CD180: variants seen among roughly 807,000 people sequenced by gnomAD.
The protein encoded by CD180 is CD180 antigen.
A neutral mutation model predicts 10.7 loss-of-function variants in CD180; 11 were observed. The ratio of observed to expected loss-of-function variants is 1.03; its 90% CI spans 0.65 to 1.70. CD180 has a LOEUF of 1.70. Among genes scored for constraint, CD180 ranks in the 40% most tolerant of loss-of-function variants. CD180 has a pLI of 0.00. For synonymous variants in CD180, 286 were observed against 294.6 expected, an observed-to-expected ratio of 0.97 and a Z score of 0.30; for missense variants, 729 against 775.2, an observed-to-expected ratio of 0.94 and a Z score of 0.71.
rs142002256 is a variant in CD180, at chr5:67,196,593, C to G, written c.49G>C (p.Gly17Arg). Residue 17 changes from glycine to arginine, a missense_variant, in exon 1 of 3, where the codon GGC (glycine) becomes CGC (arginine). Transcript: ENST00000256447. ...TCCCAGGAGGTGATGACTTTACAGC[C>G]GGCAGAAAACAGCACCACCCAAAAG... ...CFFWVVLFSA[G>R]CKVITSWDQM... 2.4e-5 allele frequency: 39 copies of G among 1,613,808 alleles called. No individual in the cohort carries two copies. Among genetic ancestry groups the G allele is most frequent in the South Asian group, 3.3e-5 (3 of 91,074 alleles).
At position 67,181,800 on chromosome 5, in the gene CD180, G is replaced by A. The variant is rs1327170985; in HGVS notation, c.*1057C>T. 1 of 152,198 alleles carries A rather than the reference G, an allele frequency of 6.6e-6. No individual in the cohort carries two copies. The highest frequency in any genetic ancestry group is 1.9e-4 in the East Asian group (1 of 5,196). 9.4% of individuals were successfully genotyped at this position (152,198 alleles called of 1,614,324 possible). A position where few individuals can be genotyped will look rare whatever the true frequency, so the allele number is the denominator to read the frequency against. ...TGGTTCAGGCCCCTGTCCATGGCTGGTGTGACCTTTGGTGACATCCCCAGC... is the reference window on the plus strand; with the variant it reads ...TGGTTCAGGCCCCTGTCCATGGCTGATGTGACCTTTGGTGACATCCCCAGC... On this transcript the variant is annotated 3_prime_UTR_variant, in exon 3 of 3. Transcript: ENST00000256447.
intron 2 of CD180, among the ~76,000 whole-genome samples, chr5:67,185,373 T>G (rs1742171288): frequency 6.6e-6 from 1 of 151,810 alleles, no homozygotes. Flanking sequence ...CTTGTAATAC[T>G]TCTTCCTACT....
Position 67,184,203 on chromosome 5 carries a change from T to C in CD180, c.640A>G (p.Ile214Val), listed in dbSNP as rs1742132291. Reference sequence around the variant, plus strand: ...GTTGAATCAAAAGCCCCAAGCTCAATACCTTTAACATTATTGCCATTGAAG... The same window carrying C: ...GTTGAATCAAAAGCCCCAAGCTCAACACCTTTAACATTATTGCCATTGAAG... ...LNFNGNNVKG[I>V]ELGAFDSTIF... is the part of the protein sequence containing the mutation. Residue 214 changes from isoleucine to valine, a missense_variant, in exon 3 of 3, where the codon ATT (isoleucine) becomes GTT (valine). Coordinates refer to ENST00000256447, the MANE Select transcript of CD180 (RefSeq NM_005582.3). 5.0e-6 allele frequency: 8 copies of C among 1,614,156 alleles called. No individual in the cohort carries two copies. The highest frequency in any genetic ancestry group is 6.8e-6 in the Non-Finnish European group (8 of 1,180,032).
At chr5:67,191,839 G>C (rs1390266550) in intron 1 of CD180, among the ~76,000 whole-genome samples, 1 of 152,168 alleles carries the variant, frequency 6.6e-6, no homozygotes, top group African/African-American at 2.4e-5. Flanking sequence ...CTCAGAACTT[G>C]TAGGTAGGTT....
Position 67,182,776 on chromosome 5 carries a change from G to T in CD180, c.*81C>A. Reference sequence around the variant, plus strand: ...GGAAGCAATCTGAAAAGTCTGGTCTGGTCACCAGCAGATGACAGTTCTTTC... The same window carrying T: ...GGAAGCAATCTGAAAAGTCTGGTCTTGTCACCAGCAGATGACAGTTCTTTC... On this transcript the variant is annotated 3_prime_UTR_variant, in exon 3 of 3. Coordinates refer to ENST00000256447, the MANE Select transcript of CD180 (RefSeq NM_005582.3). 2 of 1,184,362 alleles carry T rather than the reference G, an allele frequency of 1.7e-6. No homozygotes were observed. The highest frequency in any genetic ancestry group is 2.4e-6 in the Non-Finnish European group (2 of 844,590). 73.4% of individuals were successfully genotyped at this position (1,184,362 alleles called of 1,614,324 possible).
rs763417675 is a variant in CD180, at chr5:67,184,601, G to A, written c.258-16C>T. 6.2e-5 allele frequency: 96 copies of A among 1,558,144 alleles called. No individual in the cohort carries two copies. Among genetic ancestry groups the A allele is most frequent in the African/African-American group, 4.7e-4 (34 of 72,880 alleles). On this transcript the variant is annotated splice_polypyrimidine_tract_variant and intron_variant, in intron 2 of 2. Transcript: ENST00000256447. ...AATCTGGCACCTTGAAAAGATAATC[G>A]TATTTAACAATAATTCATTTGAAAA... is the stretch of plus-strand genomic sequence containing the variant.
rs747131521 is a variant in CD180, at chr5:67,183,396, C to T, written c.1447G>A (p.Asp483Asn). The change falls in exon 3 of 3, where the codon GAT becomes AAT. Residue 483 changes from aspartate (D) to asparagine (N), a missense_variant. Asp to Asn is a conservative substitution (Grantham distance 23). Transcript: ENST00000256447. ...AGGTTGGTCTTCGTGATAGTCCCAT[C>T]TTGAAAGTGATTCCCTTTTAAGTTG... ...HLNLKGNHFQ[D>N]GTITKTNLLQ... is the part of the protein sequence containing the mutation. 2 of 1,614,214 alleles carry T rather than the reference C, an allele frequency of 1.2e-6. No homozygotes were observed. Among genetic ancestry groups the T allele is most frequent in the East Asian group, 4.5e-5 (2 of 44,894 alleles).
chr5:67,182,894 AC>A lies in CD180; in HGVS notation c.1948del (p.Val650LeufsTer39), dbSNP rs866909606. ...LLLAILLFFA[V>X]KYLLRWKYQH... ...GTATTTCCACCTGAGAAGGTATTTA[AC>A]TGCAAAAAATAGCAGAATAGCCAAC... On this transcript the variant is annotated frameshift_variant, in exon 3 of 3. Transcript: ENST00000256447. LOFTEE classifies it high-confidence loss of function. The A allele has an allele frequency of 6.2e-7, 1 of 1,612,322 alleles. No homozygotes were observed. Among genetic ancestry groups the A allele is most frequent in the Non-Finnish European group, 8.5e-7 (1 of 1,179,154 alleles).
At chr5:67,188,723 G>A (rs1174313600) in intron 1 of CD180, among the ~76,000 whole-genome samples, 1 of 151,386 alleles carries the variant, frequency 6.6e-6, no homozygotes, top group African/African-American at 2.5e-5. Context: ...TTTCTGCTTA[G>A]CGATGCACTT....
chr5:67,179,674 A>G lies in CD180; in HGVS notation c.*3183T>C, dbSNP rs1742000670. ...CTACACTGATTGGAGAGTTGGACAA[A>G]TAAGAATGGCACGACAGTTTTCTGT... On this transcript the variant is annotated 3_prime_UTR_variant, in exon 3 of 3. Coordinates refer to ENST00000256447, the MANE Select transcript of CD180 (RefSeq NM_005582.3). 6.6e-6 allele frequency: 1 copy of G among 152,270 alleles called. No individual in the cohort carries two copies. The highest frequency in any genetic ancestry group is 2.4e-5 in the African/African-American group (1 of 41,468). 9.4% of individuals were successfully genotyped at this position (152,270 alleles called of 1,614,324 possible). A position where few individuals can be genotyped will look rare whatever the true frequency, so the allele number is the denominator to read the frequency against.
At chr5:67,196,095 G>T (rs528408863) in intron 1 of CD180, among the ~76,000 whole-genome samples, 1 of 152,328 alleles carries the variant, frequency 6.6e-6, no homozygotes, top group African/African-American at 2.4e-5. Context: ...GAGAGAGCCA[G>T]ACTCATTCAG....
At chr5:67,188,155 T>C (rs1320281794) in intron 1 of CD180, among the ~76,000 whole-genome samples, 2 of 148,492 alleles carry the variant, frequency 1.3e-5, no homozygotes, top group Non-Finnish European at 3.0e-5. Flanking sequence ...GGCCACAGAG[T>C]GAGACTCTGC....
chr5:67,183,110 G>T lies in CD180; in HGVS notation c.1733C>A (p.Pro578His). The change falls in exon 3 of 3, where the codon CCC becomes CAC. Residue 578 changes from proline (P) to histidine (H), a missense_variant. By Grantham distance (77) the Pro-to-His change is moderately conservative. Coordinates refer to ENST00000256447, the MANE Select transcript of CD180 (RefSeq NM_005582.3). The part of the protein sequence containing the change: ...QQSTINLSHN[P>H]LDCTCSNIHF... ...AATATTCGAGCAAGTGCAGTCCAGGGGGTTATGACTTAAATTAATGGTGCT... is the reference window on the plus strand; with the variant it reads ...AATATTCGAGCAAGTGCAGTCCAGGTGGTTATGACTTAAATTAATGGTGCT... 6.2e-7 allele frequency: 1 copy of T among 1,610,864 alleles called. No individual in the cohort carries two copies. Among genetic ancestry groups the T allele is most frequent in the Non-Finnish European group, 8.5e-7 (1 of 1,177,830 alleles).
At chr5:67,184,949 T>C (rs1455989781) in intron 2 of CD180, among the ~76,000 whole-genome samples, 1 of 151,950 alleles carries the variant, frequency 6.6e-6, no homozygotes, top group Non-Finnish European at 1.5e-5. Context: ...ATAAAATACA[T>C]ATATATATAC....
chr5:67,184,046 GC>G lies in CD180; in HGVS notation c.796del (p.Ala266ProfsTer40), dbSNP rs748378294. 9.6e-4 allele frequency: 1,554 copies of G among 1,614,146 alleles called. 5 individuals are homozygous for G. The highest frequency in any genetic ancestry group is 3.6e-3 in the Middle Eastern group (22 of 6,062). On this transcript the variant is annotated frameshift_variant, in exon 3 of 3. Coordinates refer to ENST00000256447, the MANE Select transcript of CD180 (RefSeq NM_005582.3). LOFTEE classifies it low-confidence loss of function (END_TRUNC). ...CATTTCACAGAGTCCCTTGAGCATG[GC>G]TGAACTAATATCTTCGTCATCAATG... The part of the protein sequence containing the change: ...EDIDDEDISS[A>X]MLKGLCEMSV...
rs1171839975 is a variant in CD180, at chr5:67,184,451, A to G, written c.392T>C (p.Phe131Ser). Residue 131 changes from phenylalanine (F) to serine (S), a missense_variant, in exon 3 of 3, where the codon TTC (phenylalanine) becomes TCC (serine). Coordinates refer to ENST00000256447, the MANE Select transcript of CD180 (RefSeq NM_005582.3). ...LNGPKSLKHL[F>S]LIQTGISNLE... is the part of the protein sequence containing the mutation. ...ATTGGATATTCCCGTTTGGATTAAGAAAAGATGCTTCAGTGACTTGGGCCC... is the reference window on the plus strand; with the variant it reads ...ATTGGATATTCCCGTTTGGATTAAGGAAAGATGCTTCAGTGACTTGGGCCC... The G allele has an allele frequency of 1.2e-6, 2 of 1,614,220 alleles. No homozygotes were observed. The highest frequency in any genetic ancestry group is 2.2e-5 in the South Asian group (2 of 91,088).
At chr5:67,196,222 C>A (rs1742400282) in intron 1 of CD180, among the ~76,000 whole-genome samples, 1 of 152,152 alleles carries the variant, frequency 6.6e-6, no homozygotes, top group Non-Finnish European at 1.5e-5. Flanking sequence ...GGATGTTAAA[C>A]CAACAGCTCC....
chr5:67,192,252 T>C (rs1048071736), intron 1 of CD180, among the ~76,000 whole-genome samples: 2 of 151,708 alleles, frequency 1.3e-5, no homozygotes, highest in Non-Finnish European at 2.9e-5. Flanking sequence ...TTGCCAGGTG[T>C]GGTGGTGGGC....
chr5:67,187,644 G>A (rs1399983103), intron 1 of CD180, among the ~76,000 whole-genome samples: 1 of 152,108 alleles, frequency 6.6e-6, no homozygotes, highest in Admixed American at 6.6e-5. Flanking sequence ...AAGGGTAGTG[G>A]GGAAAATAGG....
Sources: gnomAD v4.1 joint callset for allele counts (sites outside exome capture counted in the v4.1 genomes callset) on GRCh38, gnomAD v4.1.1 for gene constraint, MANE v1.5 for transcripts, NCBI Gene and HGNC (gene_info 2026-07-23, HGNC 2026-07-21) for gene names.